The following ATP11B variants were observed in gnomAD, a reference collection of about 807,000 sequenced individuals.
ATP11B encodes phospholipid-transporting ATPase IF.
ATP11B carries 81 observed loss-of-function variants against 157.8 expected under a neutral mutation model. The observed-to-expected ratio is 0.51, with a 90% CI of 0.43 to 0.62. ATP11B has a LOEUF of 0.62. Among genes scored for constraint, ATP11B ranks in the 20% least tolerant of loss-of-function variants. The pLI, the probability that ATP11B is intolerant of heterozygous loss-of-function variation, is 0.00. For synonymous variants in ATP11B, 451 were observed against 469.4 expected (o/e 0.96, Z 0.51); for missense variants, 1,165 against 1,402.2 (o/e 0.83, Z 2.70).
At chr3:182,836,719 A>G (rs1368757087) in intron 6 of ATP11B, 1 of 489,914 alleles carries the variant, frequency 2.0e-6, no homozygotes, top group Non-Finnish European at 3.5e-6. Flanking sequence ...ATCTTTTACT[A>G]TTTGTGGTAC....
chr3:182,883,954 CAAA>C (rs1170838231), intron 21 of ATP11B, among the ~76,000 whole-genome samples: 7 of 63,400 alleles, frequency 1.1e-4, no homozygotes, highest in East Asian at 5.5e-4. Context: ...GACTCCGTCT[CAAA>C]AAAAAAAAAA....
intron 27 of ATP11B, among the ~76,000 whole-genome samples, chr3:182,898,039 C>CA (rs887118174): frequency 2.6e-5 from 4 of 151,498 alleles, no homozygotes; most frequent in Non-Finnish European, 5.9e-5. Context: ...GAAGGTAGGC[C>CA]AAAAAAATTT....
In ATP11B at chr3:182,805,301, T is replaced by G. The variant is rs1179169020; in HGVS notation, c.27+11515T>G. ...TTGCCAACACTTACTTTTGTCTGTC[T>G]TTTTGATTATAGTCATCCTAGTGGG... On this transcript the variant is annotated intron_variant, in intron 1 of 29. Transcript: ENST00000323116. 2.6e-5 allele frequency among the ~76,000 whole-genome samples: 4 copies of G among 152,218 alleles called. No individual in the cohort carries two copies. The East Asian group carries it at 7.7e-4, about 29-fold the overall frequency.
At chr3:182,820,658 G>C (rs1324570763) in intron 2 of ATP11B, among the ~76,000 whole-genome samples, 3 of 151,800 alleles carry the variant, frequency 2.0e-5, no homozygotes, top group Non-Finnish European at 4.4e-5. Flanking sequence ...AACAGAGTGA[G>C]ACCATGTCTC....
At chr3:182,810,497 A>G (rs559731509) in intron 1 of ATP11B, among the ~76,000 whole-genome samples, 1 of 151,962 alleles carries the variant, frequency 6.6e-6, no homozygotes, top group African/African-American at 2.4e-5. Flanking sequence ...CTTTCGAAGC[A>G]TATTTCCCAG....
At chr3:182,842,967 C>T (rs1719171444) in intron 8 of ATP11B, among the ~76,000 whole-genome samples, 1 of 152,174 alleles carries the variant, frequency 6.6e-6, no homozygotes, top group South Asian at 2.1e-4. Flanking sequence ...GGCTTCTTAC[C>T]AGTCCTCTCA....
intron 6 of ATP11B, among the ~76,000 whole-genome samples, 200 bp from the exon 7 acceptor site, chr3:182,836,871 A>G (rs185245979): frequency 6.6e-6 from 1 of 152,268 alleles, no homozygotes; most frequent in Admixed American, 6.5e-5. Flanking sequence ...TTATGTGCAA[A>G]TGGCCTCTTT....
intron 7 of ATP11B, among the ~76,000 whole-genome samples, chr3:182,838,813 A>G (rs1437337704): frequency 6.6e-6 from 1 of 151,438 alleles, no homozygotes; most frequent in African/African-American, 2.4e-5. Flanking sequence ...ACACACATAT[A>G]TTACATGTGA....
At chr3:182,856,471 A>G (rs1720411597) in intron 10 of ATP11B, among the ~76,000 whole-genome samples, 1 of 152,214 alleles carries the variant, frequency 6.6e-6, no homozygotes, top group Non-Finnish European at 1.5e-5. Context: ...TTGTTGCCAC[A>G]AGGAGACATG....
Position 182,914,000 on chromosome 3 carries a change from AAATCTCTC to A in ATP11B, c.3452+7_3452+14del. ...AGTCCAACCCACATCAGCAGGTGTG[AAATCTCTC>A]TAAGTAGCCTTTGCTGCAGATGAGT... On this transcript the variant is annotated splice_region_variant and intron_variant, in intron 29 of 29. Transcript: ENST00000323116. 1 of 1,613,818 alleles carries A rather than the reference AAATCTCTC, an allele frequency of 6.2e-7. No individual in the cohort carries two copies. The highest frequency in any genetic ancestry group is 8.5e-7 in the Non-Finnish European group (1 of 1,179,780).
intron 25 of ATP11B, among the ~76,000 whole-genome samples, chr3:182,892,853 CT>C (rs1723266923): frequency 6.6e-6 from 1 of 152,134 alleles, no homozygotes; most frequent in South Asian, 2.1e-4. Context: ...ACATCTTTAC[CT>C]TCAGAGCACT....
intron 15 of ATP11B, 135 bp downstream of exon 15, chr3:182,867,579 CTTTTTTTTTTT>C (rs386398716): frequency 5.2e-5 from 8 of 152,814 alleles, no homozygotes; most frequent in Non-Finnish European, 9.3e-5. Flanking sequence ...AGTCACATTA[CTTTTTTTTTTT>C]TTTTTTTTTT....
At chr3:182,808,611 T>C (rs923957358) in intron 1 of ATP11B, among the ~76,000 whole-genome samples, 4 of 152,166 alleles carry the variant, frequency 2.6e-5, no homozygotes, top group African/African-American at 9.6e-5. Flanking sequence ...TTCATGTAGA[T>C]TGAGATAAAG....
intron 1 of ATP11B, among the ~76,000 whole-genome samples, chr3:182,806,341 T>C (rs747260303): frequency 2.6e-5 from 4 of 152,228 alleles, no homozygotes; most frequent in Non-Finnish European, 4.4e-5. Flanking sequence ...CATCATGTTT[T>C]TTCATATTGT....
At chr3:182,878,869 C>T (rs1382482573) in intron 19 of ATP11B, among the ~76,000 whole-genome samples, 2 of 151,902 alleles carry the variant, frequency 1.3e-5, no homozygotes, top group East Asian at 1.9e-4. Context: ...AATAATGTTT[C>T]GATTTTTGTA....
At chr3:182,905,830 G>A in intron 28 of ATP11B, 1 of 456,752 alleles carries the variant, frequency 2.2e-6, no homozygotes, top group South Asian at 1.5e-5. Context: ...CTCAGCATAT[G>A]AATTTGCTGA....
At chr3:182,816,005 G>A (rs1346584274) in intron 1 of ATP11B, among the ~76,000 whole-genome samples, 1 of 152,106 alleles carries the variant, frequency 6.6e-6, no homozygotes, top group African/African-American at 2.4e-5. Flanking sequence ...GGTTACAAGA[G>A]GAGTCCCGTT....
At chr3:182,908,304 G>T (rs1481517648) in intron 28 of ATP11B, among the ~76,000 whole-genome samples, 2 of 150,098 alleles carry the variant, frequency 1.3e-5, no homozygotes, top group Non-Finnish European at 3.0e-5. Flanking sequence ...CCACCTCCTG[G>T]GTTCAAGCAG....
intron 2 of ATP11B, among the ~76,000 whole-genome samples, chr3:182,822,718 G>C (rs938141749): frequency 2.0e-5 from 3 of 152,224 alleles, no homozygotes; most frequent in Non-Finnish European, 4.4e-5. Context: ...CGTTGAACTA[G>C]TTTACAGTCC....
Sources: gnomAD v4.1 joint callset for allele counts (sites outside exome capture counted in the v4.1 genomes callset) on GRCh38, gnomAD v4.1.1 for gene constraint, MANE v1.5 for transcripts, NCBI Gene and HGNC (gene_info 2026-07-23, HGNC 2026-07-21) for gene names.